The following B4GALT4 variants were observed in gnomAD, a reference collection of about 807,000 sequenced individuals.
B4GALT4 encodes N-acetyllactosamine synthase.
A neutral mutation model predicts 37.3 loss-of-function variants in B4GALT4; 27 were observed. The observed-to-expected ratio is 0.72, with a 90% CI of 0.53 to 1.00. B4GALT4 has a LOEUF of 1.00. B4GALT4 is among the 50% of genes least tolerant of loss of function. The pLI is 0.00. For missense variants in B4GALT4, 372 were observed against 413.1 expected, an observed-to-expected ratio of 0.90 and a Z score of 0.86; for synonymous variants, 148 against 154.1, an observed-to-expected ratio of 0.96 and a Z score of 0.29.
intron 5 of B4GALT4, among the ~76,000 whole-genome samples, chr3:119,221,366 G>A (rs755861041): frequency 1.8e-4 from 27 of 152,180 alleles, no homozygotes; most frequent in Non-Finnish European, 4.0e-4. Context: ...TGTGTGTAAG[G>A]TGAAAACCTT....
chr3:119,239,954 T>C (rs1454902070), intron 1 of B4GALT4: 1 of 151,356 alleles, frequency 6.6e-6, no homozygotes, highest in Non-Finnish European at 1.5e-5. Flanking sequence ...TCTCCTTGAT[T>C]TTCTTGCATC....
chr3:119,230,210 T>C lies in B4GALT4; in HGVS notation c.-111A>G, dbSNP rs2078763438. On this transcript the variant is annotated 5_prime_UTR_variant, in exon 3 of 8. Transcript: ENST00000393765. ...AACTTGATGACAACTGAAGATACAA[T>C]GCCTGGTTTTTCTCAGTAGTTCTGC... 1.1e-5 allele frequency: 15 copies of C among 1,385,872 alleles called. No homozygotes were observed. Among genetic ancestry groups the C allele is most frequent in the Non-Finnish European group, 1.5e-5 (15 of 1,012,334 alleles). 85.8% of individuals were successfully genotyped at this position (1,385,872 alleles called of 1,614,324 possible).
At chr3:119,218,459 G>A (rs1365803653) in intron 6 of B4GALT4, among the ~76,000 whole-genome samples, 191 bp downstream of exon 6, 1 of 152,148 alleles carries the variant, frequency 6.6e-6, no homozygotes, top group East Asian at 1.9e-4. Context: ...CCCCAGGCCA[G>A]AAGTAAACTG....
chr3:119,231,287 T>C (rs1188375183), intron 2 of B4GALT4, among the ~76,000 whole-genome samples: 1 of 152,116 alleles, frequency 6.6e-6, no homozygotes, highest in South Asian at 2.1e-4. Context: ...CCACAGAAAA[T>C]ACACTAAAGT....
At chr3:119,239,028 G>C (rs1183597127) in intron 1 of B4GALT4, among the ~76,000 whole-genome samples, 1 of 152,138 alleles carries the variant, frequency 6.6e-6, no homozygotes, top group Non-Finnish European at 1.5e-5. Context: ...GGCCTGAAGT[G>C]GAGTCAAGAA....
At chr3:119,218,893 T>C (rs2078367920) in intron 5 of B4GALT4, 121 bp from the exon 6 acceptor site, 1 of 1,219,606 alleles carries the variant, frequency 8.2e-7, no homozygotes, top group Non-Finnish European at 1.2e-6. Flanking sequence ...CTCCTGCTTC[T>C]CCTGCTTGAC....
At chr3:119,224,018 A>G (rs373048559) in intron 5 of B4GALT4, 40 bp downstream of exon 5, 54 of 1,559,216 alleles carry the variant, frequency 3.5e-5, no homozygotes, top group Middle Eastern at 1.8e-4. Context: ...ACAATAGTTG[A>G]GCTTCTCGAC....
chr3:119,216,465 C>T (rs374073801), intron 6 of B4GALT4, 121 bp from the exon 7 acceptor site: 3 of 306,894 alleles, frequency 9.8e-6, no homozygotes, highest in Non-Finnish European at 1.7e-5. Flanking sequence ...CACACACACA[C>T]ACACACAGTG....
At chr3:119,217,842 C>CAAAAA (rs57522373) in intron 6 of B4GALT4, among the ~76,000 whole-genome samples, 3 of 87,798 alleles carry the variant, frequency 3.4e-5, no homozygotes, top group African/African-American at 9.2e-5. Context: ...GACTTTGTCT[C>CAAAAA]AAAAAAAAAA....
At chr3:119,227,096 G>C (rs1382209107) in intron 3 of B4GALT4, 55 bp from the exon 4 acceptor site, 3 of 1,500,048 alleles carry the variant, frequency 2.0e-6, no homozygotes, top group Non-Finnish European at 2.8e-6. Flanking sequence ...AAAGTGTTGA[G>C]GTTTACACGA....
At chr3:119,225,453 G>A (rs1290922740) in intron 4 of B4GALT4, among the ~76,000 whole-genome samples, 2 of 151,966 alleles carry the variant, frequency 1.3e-5, no homozygotes, top group African/African-American at 4.8e-5. Context: ...CTGGAGTGCA[G>A]TGGTGTGATC....
chr3:119,224,355 A>G, intron 4 of B4GALT4, 110 bp from the exon 5 acceptor site: 1 of 697,212 alleles, frequency 1.4e-6, no homozygotes. Flanking sequence ...TCTACGCACG[A>G]GACTACACTT....
intron 1 of B4GALT4, among the ~76,000 whole-genome samples, chr3:119,238,822 T>A (rs1213587638): frequency 6.6e-6 from 1 of 152,180 alleles, no homozygotes; most frequent in Non-Finnish European, 1.5e-5. Flanking sequence ...CAGACAGGAA[T>A]TATAACTTTT....
At chr3:119,225,199 AAC>A (rs2078570752) in intron 4 of B4GALT4, among the ~76,000 whole-genome samples, 1 of 152,236 alleles carries the variant, frequency 6.6e-6, no homozygotes, top group Non-Finnish European at 1.5e-5. Flanking sequence ...GCAATAAAAG[AAC>A]ACAGTTTGAC....
intron 1 of B4GALT4, among the ~76,000 whole-genome samples, chr3:119,239,719 T>C (rs1306876360): frequency 6.6e-6 from 1 of 152,202 alleles, no homozygotes; most frequent in Non-Finnish European, 1.5e-5. Flanking sequence ...ATCAAAGCTA[T>C]AGGTAGACGA....
In B4GALT4 at chr3:119,230,088, G is replaced by T. The variant is rs781671415; in HGVS notation, c.12C>A (p.Asn4Lys). The change falls in exon 3 of 8, where the codon AAC becomes AAA. Residue 4 changes from asparagine to lysine, a missense_variant. Physicochemically the swap from Asn to Lys is moderately conservative, Grantham distance 94. Transcript: ENST00000393765. MGF[N>K]LTFHLSYKFR... ...ATTTGTAGGAAAGGTGGAAAGTCAG[G>T]TTGAAGCCCATGTTTTTTATTACGT... is the stretch of plus-strand genomic sequence containing the variant. The T allele has an allele frequency of 1.2e-5, 19 of 1,613,920 alleles. 1 individual carries two copies. The highest frequency in any genetic ancestry group is 5.5e-5 in the South Asian group (5 of 91,072).
At chr3:119,234,874 GTTAGTTAAAAATGGTCATGTTTTCATA>G (rs2078938941) in intron 2 of B4GALT4, among the ~76,000 whole-genome samples, 1 of 152,204 alleles carries the variant, frequency 6.6e-6, no homozygotes, top group African/African-American at 2.4e-5. Context: ...CTGCCCCGTA[GTTAGTTAAAAATGGTCATGTTTTCATA>G]TTTGGTTTTC....
In B4GALT4 at chr3:119,216,272, AGT is replaced by A. The variant is rs2078286946; in HGVS notation, c.868_869del (p.Thr290Ter). 1 of 1,613,666 alleles carries A rather than the reference AGT, an allele frequency of 6.2e-7. No individual in the cohort carries two copies. The highest frequency in any genetic ancestry group is 8.5e-7 in the Non-Finnish European group (1 of 1,179,838). On this transcript the variant is annotated frameshift_variant, in exon 7 of 8. Transcript: ENST00000393765. LOFTEE classifies it high-confidence loss of function. The stretch of plus-strand genomic sequence containing the variant: ...CGTTCACCTCATTGCCTTTGTCTCT[AGT>A]GTGGAAGACCATTGTATATTTACCC... ...EVGKYTMVFH[T>X]RDKGNEVNAE...
rs1322760414 is a variant in B4GALT4 at position 119,230,251 on chromosome 3, C to T, written c.-145-7G>A. ...GTAGTTCTGCTCCAACAGTCTAAAA[C>T]GCAATCACAAAAGACACGTTGTTTC... On this transcript the variant is annotated splice_polypyrimidine_tract_variant and splice_region_variant and intron_variant, in intron 2 of 7. Coordinates refer to ENST00000393765, the MANE Select transcript of B4GALT4 (RefSeq NM_003778.4). 1.4e-5 allele frequency: 14 copies of T among 977,384 alleles called. No individual in the cohort carries two copies. The South Asian group carries it at 1.7e-4, about 12-fold the overall frequency. 60.5% of individuals were successfully genotyped at this position (977,384 alleles called of 1,614,324 possible). A position where few individuals can be genotyped will look rare whatever the true frequency, so the allele number is the denominator to read the frequency against.
Sources: gnomAD v4.1 joint callset for allele counts (sites outside exome capture counted in the v4.1 genomes callset) on GRCh38, gnomAD v4.1.1 for gene constraint, MANE v1.5 for transcripts, NCBI Gene and HGNC (gene_info 2026-07-23, HGNC 2026-07-21) for gene names.